Variants in CADPS2 observed in about 807,000 individuals in gnomAD.
The protein encoded by CADPS2 is calcium dependent secretion activator 2.
CADPS2 carries 93 observed loss-of-function variants against 172.5 expected under a neutral mutation model. The ratio of observed to expected loss-of-function variants is 0.54; its 90% CI spans 0.46 to 0.64. CADPS2 has a LOEUF of 0.64. Ranked by LOEUF, CADPS2 falls within the 30% of genes least tolerant of loss-of-function variation. The probability of loss-of-function intolerance (pLI) is 0.00; values close to 1 mark genes in which losing one functional copy is unlikely to be tolerated. For missense variants in CADPS2, 1,420 were observed against 1,565.9 expected (o/e 0.91, Z 1.57); for synonymous variants, 546 against 555.2 (o/e 0.98, Z 0.23).
At chr7:122,358,431 C>T (rs900802808) in intron 27 of CADPS2, among the ~76,000 whole-genome samples, 6 of 152,050 alleles carry the variant, frequency 3.9e-5, no homozygotes, top group African/African-American at 1.2e-4. Context: ...TTTCTCTTAA[C>T]AATGAATAAG....
chr7:122,323,873 T>TTATATATATATATATA (rs71159788), intron 29 of CADPS2, among the ~76,000 whole-genome samples: 2 of 112,546 alleles, frequency 1.8e-5, no homozygotes, highest in African/African-American at 8.0e-5. Flanking sequence ...TATGTATATT[T>TTATATATATATATATA]TATATATATA....
chr7:122,633,235 T>C (rs1037155542), intron 3 of CADPS2, among the ~76,000 whole-genome samples: 3 of 152,206 alleles, frequency 2.0e-5, no homozygotes, highest in African/African-American at 7.2e-5. Context: ...TGAAAAATCA[T>C]GTTGCTATTT....
intron 8 of CADPS2, among the ~76,000 whole-genome samples, chr7:122,552,887 G>C (rs947563433): frequency 2.6e-5 from 4 of 151,072 alleles, no homozygotes; most frequent in African/African-American, 9.7e-5. Flanking sequence ...TCTTTTATGT[G>C]TAACTCTACT....
chr7:122,662,401 G>A (rs1427121534), intron 3 of CADPS2, among the ~76,000 whole-genome samples: 2 of 135,520 alleles, frequency 1.5e-5, no homozygotes, highest in African/African-American at 2.7e-5. Flanking sequence ...TTTTTAAGAC[G>A]AGTCTTACTT....
At chr7:122,399,521 A>AAT (rs1037871155) in intron 20 of CADPS2, among the ~76,000 whole-genome samples, 5 of 152,256 alleles carry the variant, frequency 3.3e-5, no homozygotes, top group Middle Eastern at 3.4e-3. Context: ...ATTAAAGGCA[A>AAT]ATAGAAAAGT....
intron 28 of CADPS2, among the ~76,000 whole-genome samples, chr7:122,344,296 T>A (rs1336301825): frequency 6.6e-6 from 1 of 152,224 alleles, no homozygotes; most frequent in East Asian, 1.9e-4. Flanking sequence ...TCAAAGCAAA[T>A]ATTACATTTA....
intron 28 of CADPS2, among the ~76,000 whole-genome samples, chr7:122,337,756 AG>A (rs2036092508): frequency 9.3e-6 from 1 of 107,616 alleles, no homozygotes; most frequent in Non-Finnish European, 2.2e-5. Context: ...ACAAACTTTA[AG>A]GAAAAAAAAA....
chr7:122,832,883 T>TA (rs1419105995), intron 1 of CADPS2, among the ~76,000 whole-genome samples: 6 of 152,238 alleles, frequency 3.9e-5, no homozygotes, highest in Middle Eastern at 3.4e-3. Flanking sequence ...GGCTTTTTTT[T>TA]AAAAAAGACA....
At chr7:122,746,321 C>A (rs960891907) in intron 1 of CADPS2, among the ~76,000 whole-genome samples, 1 of 152,164 alleles carries the variant, frequency 6.6e-6, no homozygotes, top group East Asian at 1.9e-4. Flanking sequence ...AGTTAACATA[C>A]GTTTTAAGTT....
At chr7:122,483,757 T>C (rs1431574691) in intron 11 of CADPS2, among the ~76,000 whole-genome samples, 1 of 152,122 alleles carries the variant, frequency 6.6e-6, no homozygotes, top group Admixed American at 6.6e-5. Context: ...GTGTGCATAC[T>C]ATACATGAAG....
chr7:122,441,813 T>C (rs2051390195), intron 15 of CADPS2, among the ~76,000 whole-genome samples: 1 of 152,350 alleles, frequency 6.6e-6, no homozygotes, highest in Middle Eastern at 3.4e-3. Context: ...GTTTTGATGA[T>C]ACTTGTTTTA....
At chr7:122,759,913 A>G (rs1361348165) in intron 1 of CADPS2, among the ~76,000 whole-genome samples, 1 of 152,070 alleles carries the variant, frequency 6.6e-6, no homozygotes, top group Non-Finnish European at 1.5e-5. Context: ...GAAGCCAACT[A>G]CACAGCTAAT....
At chr7:122,490,307 T>C (rs1177666734) in intron 10 of CADPS2, 26 bp from the exon 11 acceptor site, 29 of 1,602,304 alleles carry the variant, frequency 1.8e-5, no homozygotes, top group Non-Finnish European at 2.4e-5. Flanking sequence ...AAAGACATCA[T>C]TAAAAATTTA....
chr7:122,360,692 G>A (rs2040008985), intron 27 of CADPS2, 96 bp downstream of exon 27: 1 of 1,059,184 alleles, frequency 9.4e-7, no homozygotes, highest in Non-Finnish European at 1.4e-6. Context: ...TAAGGGAATG[G>A]CACTGGTTTA....
At chr7:122,702,493 A>G in intron 2 of CADPS2, 2 of 1,613,748 alleles carry the variant, frequency 1.2e-6, no homozygotes, top group Non-Finnish European at 1.7e-6. Flanking sequence ...TCAAAGGATG[A>G]CAGGCATTCT....
chr7:122,387,003 C>T (rs763899111), intron 24 of CADPS2, 23 bp downstream of exon 24: 20 of 1,550,692 alleles, frequency 1.3e-5, no homozygotes, highest in African/African-American at 4.1e-5. Context: ...GCTGCCTTTC[C>T]CCATGTGGCA....
Position 122,421,583 on chromosome 7 carries a change from AG to A in CADPS2, c.2477-5420del, listed in dbSNP as rs553756619. Among the ~76,000 whole-genome samples, 363 of 152,314 alleles carry A rather than the reference AG, an allele frequency of 2.4e-3. 2 individuals are homozygous for A. Among genetic ancestry groups the A allele is most frequent in the African/African-American group, 8.3e-3 (347 of 41,576 alleles). Reference sequence around the variant, plus strand: ...TTCAACAAACATTTTATTCCATGTAAGGTACTTCGCTAGCCACTGAGGGGAT... The same window carrying A: ...TTCAACAAACATTTTATTCCATGTAAGTACTTCGCTAGCCACTGAGGGGAT... On this transcript the variant is annotated intron_variant, in intron 17 of 29. Coordinates refer to ENST00000449022, the MANE Select transcript of CADPS2 (RefSeq NM_017954.11).
chr7:122,445,564 C>T (rs2052054521), intron 15 of CADPS2, among the ~76,000 whole-genome samples: 2 of 152,018 alleles, frequency 1.3e-5, no homozygotes, highest in Non-Finnish European at 2.9e-5. Context: ...TGCCTGTAAT[C>T]CCAGTATTTT....
chr7:122,411,065 C>T (rs1248239183), intron 19 of CADPS2, among the ~76,000 whole-genome samples: 1 of 152,162 alleles, frequency 6.6e-6, no homozygotes, highest in Non-Finnish European at 1.5e-5. Context: ...TTAAGGGAGG[C>T]ATATGGCACA....
Sources: gnomAD v4.1 joint callset for allele counts (sites outside exome capture counted in the v4.1 genomes callset) on GRCh38, gnomAD v4.1.1 for gene constraint, MANE v1.5 for transcripts, NCBI Gene and HGNC (gene_info 2026-07-23, HGNC 2026-07-21) for gene names.